Variants in KCNC2 observed in about 807,000 individuals in gnomAD.
KCNC2 encodes potassium voltage-gated channel subfamily C member 2.
A neutral mutation model predicts 44.5 loss-of-function variants in KCNC2; 21 were observed. The observed-to-expected ratio is 0.47, with a 90% CI of 0.33 to 0.68. The LOEUF (loss-of-function observed/expected upper bound fraction) is 0.68. Ranked by LOEUF, KCNC2 falls within the 30% of genes least tolerant of loss-of-function variation. The probability of loss-of-function intolerance (pLI) is 0.01; values close to 1 mark genes in which losing one functional copy is unlikely to be tolerated. For synonymous variants in KCNC2, 391 were observed against 339.1 expected (o/e 1.15, Z -1.68); for missense variants, 589 against 826.2 (o/e 0.71, Z 3.52).
chr12:75,163,548 A>G (rs1891256853), intron 2 of KCNC2, among the ~76,000 whole-genome samples: 2 of 151,768 alleles, frequency 1.3e-5, no homozygotes, highest in African/African-American at 2.4e-5. Flanking sequence ...AACATTAAGC[A>G]CACACATATT....
At chr12:75,088,404 T>C (rs575025912) in intron 2 of KCNC2, among the ~76,000 whole-genome samples, 19 of 152,068 alleles carry the variant, frequency 1.2e-4, no homozygotes, top group Non-Finnish European at 1.9e-4. Context: ...TGTACAAACA[T>C]AAAGTTACAG....
chr12:75,073,388 T>C (rs973846256), intron 2 of KCNC2, among the ~76,000 whole-genome samples: 1 of 152,170 alleles, frequency 6.6e-6, no homozygotes, highest in African/African-American at 2.4e-5. Flanking sequence ...AGTACCAATT[T>C]ATGAAGCCAG....
chr12:75,066,517 A>T (rs1293629199), intron 2 of KCNC2, among the ~76,000 whole-genome samples: 2 of 152,220 alleles, frequency 1.3e-5, no homozygotes, highest in African/African-American at 4.8e-5. Flanking sequence ...CAATCAACTT[A>T]ACTTCTGTTA....
chr12:75,084,237 AGAT>A (rs1884760306), intron 2 of KCNC2, among the ~76,000 whole-genome samples: 1 of 151,064 alleles, frequency 6.6e-6, no homozygotes, highest in Non-Finnish European at 1.5e-5. Context: ...AGATATAGAT[AGAT>A]AGATAGATGA....
chr12:75,074,845 A>G (rs1161564495), intron 2 of KCNC2, among the ~76,000 whole-genome samples: 1 of 152,240 alleles, frequency 6.6e-6, no homozygotes, highest in African/African-American at 2.4e-5. Flanking sequence ...TAACAGTGTA[A>G]TAAGTGTTGT....
At position 75,110,229 on chromosome 12, in the gene KCNC2, T is replaced by TA. The variant is rs1325502328; in HGVS notation, c.688-58913dup. On this transcript the variant is annotated intron_variant, in intron 2 of 4. Transcript: ENST00000549446. ...GATTAAGGGGGAAAAAAAACCAACATATTTTATATGCATCCTGGTAAATTA... is the reference window on the plus strand; with the variant it reads ...GATTAAGGGGGAAAAAAAACCAACATAATTTTATATGCATCCTGGTAAATTA... Among the ~76,000 whole-genome samples, 5 of 152,292 alleles carry TA rather than the reference T, an allele frequency of 3.3e-5. No individual in the cohort carries two copies. In the East Asian group the frequency reaches 9.6e-4, roughly 29 times the overall value.
chr12:75,111,181 C>T (rs1887207000), intron 2 of KCNC2, among the ~76,000 whole-genome samples: 1 of 152,096 alleles, frequency 6.6e-6, no homozygotes, highest in South Asian at 2.1e-4. Context: ...TTTATATGTG[C>T]TGTAATTCTC....
At chr12:75,109,216 T>C (rs1222013258) in intron 2 of KCNC2, among the ~76,000 whole-genome samples, 1 of 152,204 alleles carries the variant, frequency 6.6e-6, no homozygotes, top group Non-Finnish European at 1.5e-5. Context: ...TACCCGATTA[T>C]AATCTTACAG....
chr12:75,117,402 C>G (rs902005713), intron 2 of KCNC2, among the ~76,000 whole-genome samples: 2 of 152,154 alleles, frequency 1.3e-5, no homozygotes, highest in African/African-American at 2.4e-5. Context: ...CAACTGTCCC[C>G]CCAAAAAGAC....
chr12:75,191,015 T>TTGGC (rs1475073358), intron 2 of KCNC2, among the ~76,000 whole-genome samples: 1 of 152,074 alleles, frequency 6.6e-6, no homozygotes, highest in Non-Finnish European at 1.5e-5. Flanking sequence ...ATACCTATGA[T>TTGGC]TAATGTACTA....
intron 2 of KCNC2, among the ~76,000 whole-genome samples, chr12:75,146,894 A>T (rs1360877235): frequency 6.6e-6 from 1 of 152,190 alleles, no homozygotes. Flanking sequence ...TGAGTCTTTG[A>T]ACAATTGTGC....
intron 2 of KCNC2, among the ~76,000 whole-genome samples, chr12:75,203,075 G>A (rs1449681890): frequency 6.6e-6 from 1 of 151,502 alleles, no homozygotes; most frequent in Non-Finnish European, 1.5e-5. Flanking sequence ...GCTATATTTA[G>A]CCATTAATTC....
Position 75,043,208 on chromosome 12 carries a change from G to A in KCNC2, c.1814C>T (p.Ala605Val), listed in dbSNP as rs749901519. The A allele has an allele frequency of 1.9e-6, 3 of 1,612,128 alleles. No individual in the cohort carries two copies. The highest frequency in any genetic ancestry group is 1.7e-6 in the Non-Finnish European group (2 of 1,178,896). Residue 605 changes from alanine (A) to valine (V), a missense_variant, in exon 5 of 5, where the codon GCG (alanine) becomes GTG (valine). Coordinates refer to ENST00000549446, the MANE Select transcript of KCNC2 (RefSeq NM_139137.4). ...YEKSRSLNNI[A>V]GLAGNALRLS... is the part of the protein sequence containing the mutation. ...CCTCAGAGCATTGCCTGCCAAGCCC[G>A]CTATGTTGTTTAAGCTTCGGGATTT...
chr12:75,138,979 T>TA (rs373729570), intron 2 of KCNC2, among the ~76,000 whole-genome samples: 2,216 of 77,702 alleles, frequency 0.029, 121 homozygotes, highest in East Asian at 0.067. Flanking sequence ...AGACTCCGTG[T>TA]AAAAAAAAAA....
At chr12:75,142,818 C>A (rs963675434) in intron 2 of KCNC2, among the ~76,000 whole-genome samples, 1 of 152,144 alleles carries the variant, frequency 6.6e-6, no homozygotes, top group Non-Finnish European at 1.5e-5. Context: ...TCTTTTATGA[C>A]CTAACCTGAG....
chr12:75,065,457 A>C (rs1882738129), intron 2 of KCNC2, among the ~76,000 whole-genome samples: 1 of 152,118 alleles, frequency 6.6e-6, no homozygotes, highest in Non-Finnish European at 1.5e-5. Context: ...AAGTAATTAG[A>C]ATACAGTCTG....
At position 75,207,843 on chromosome 12, in the gene KCNC2, C is replaced by T. The variant is rs1437825556; in HGVS notation, c.141G>A (p.Leu47=). ...GCTGCAGCTTGTCGCCCGCCGTGGT[C>T]AAGCAGTCGCCTGGGGGCTCGGAGG... ...LASSEPPGDC[L]TTAGDKLQPS... is the part of the protein sequence containing the mutation. Residue 47 remains leucine, a synonymous_variant, in exon 2 of 5, where the codon TTG becomes TTA. Coordinates refer to ENST00000549446, the MANE Select transcript of KCNC2 (RefSeq NM_139137.4). The surrounding 1 kb of genome is among the most constrained non-coding windows in gnomAD (Gnocchi z 4.1). The T allele has an allele frequency of 2.5e-6, 4 of 1,610,968 alleles. No individual in the cohort carries two copies. The highest frequency in any genetic ancestry group is 1.7e-5 in the Admixed American group (1 of 59,906).
intron 2 of KCNC2, among the ~76,000 whole-genome samples, chr12:75,129,437 C>CTA (rs1484917412): frequency 3.3e-5 from 5 of 152,106 alleles, no homozygotes; most frequent in African/African-American, 1.2e-4. Flanking sequence ...GTATTAAGTA[C>CTA]ACATTGTGCT....
chr12:75,126,327 T>G lies in KCNC2; in HGVS notation c.688-75010A>C, dbSNP rs546043004. ...TCTTTTAAATAAGAAAATGAATTTT[T>G]CAACATTGAAATCTCTTTATTCACG... On this transcript the variant is annotated intron_variant, in intron 2 of 4. Transcript: ENST00000549446. 3.3e-5 allele frequency among the ~76,000 whole-genome samples: 5 copies of G among 152,326 alleles called. No homozygotes were observed. The East Asian group carries it at 7.7e-4, about 23-fold the overall frequency.
Sources: gnomAD v4.1 joint callset for allele counts (sites outside exome capture counted in the v4.1 genomes callset) on GRCh38, gnomAD v4.1.1 for gene constraint, Gnocchi (gnomAD v3.1) non-coding constraint, MANE v1.5 for transcripts, NCBI Gene and HGNC (gene_info 2026-07-23, HGNC 2026-07-21) for gene names.